The following DLG2 variants were observed in gnomAD, a reference collection of about 807,000 sequenced individuals.
DLG2 encodes discs large MAGUK scaffold protein 2, also known as disks large homolog 2.
A neutral mutation model predicts 132.5 loss-of-function variants in DLG2; 45 were observed. That is an observed-to-expected ratio of 0.34 (90% CI 0.27 to 0.44). The LOEUF is 0.44. Among genes scored for constraint, DLG2 ranks in the 20% least tolerant of loss-of-function variants. The probability of loss-of-function intolerance (pLI) is 1.00; values close to 1 mark genes in which losing one functional copy is unlikely to be tolerated. For synonymous variants in DLG2, 424 were observed against 419.6 expected (o/e 1.01, Z -0.13); for missense variants, 1,045 against 1,196.9 (o/e 0.87, Z 1.87).
chr11:84,993,888 G>A (rs2057383719), intron 6 of DLG2, among the ~76,000 whole-genome samples: 1 of 151,810 alleles, frequency 6.6e-6, no homozygotes, highest in South Asian at 2.1e-4. Context: ...TCCAAATCAG[G>A]GGTCTGCAGG....
intron 7 of DLG2, among the ~76,000 whole-genome samples, chr11:84,420,718 G>C (rs2098947105): frequency 8.0e-6 from 1 of 124,344 alleles, no homozygotes; most frequent in African/African-American, 3.1e-5. Context: ...GCCCAGGCTG[G>C]AGTGCAGTGG....
intron 7 of DLG2, among the ~76,000 whole-genome samples, chr11:84,291,047 G>A (rs2097987923): frequency 6.6e-6 from 1 of 152,110 alleles, no homozygotes; most frequent in East Asian, 1.9e-4. Context: ...TTCAATACAT[G>A]TTAGCTACTA....
chr11:84,601,639 A>G (rs1448666575), intron 6 of DLG2, among the ~76,000 whole-genome samples: 5 of 152,240 alleles, frequency 3.3e-5, no homozygotes, highest in African/African-American at 1.2e-4. Context: ...TTTAAAGAAT[A>G]TATAGTGACA....
At chr11:84,336,423 T>C (rs2098484970) in intron 7 of DLG2, among the ~76,000 whole-genome samples, 1 of 152,226 alleles carries the variant, frequency 6.6e-6, no homozygotes, top group South Asian at 2.1e-4. Flanking sequence ...TCATGTTTGC[T>C]TGTCATGCCA....
intron 18 of DLG2, among the ~76,000 whole-genome samples, chr11:83,736,304 T>C (rs925711351): frequency 2.0e-5 from 3 of 152,120 alleles, no homozygotes; most frequent in Admixed American, 1.3e-4. Context: ...AGTGTCCTCA[T>C]AGGGGAAAAG....
rs185155337 is a variant in DLG2 at position 84,889,257 on chromosome 11, T to G, written c.357+222404A>C. 7.9e-5 allele frequency among the ~76,000 whole-genome samples: 12 copies of G among 152,250 alleles called. No individual in the cohort carries two copies. The East Asian group carries it at 2.1e-3, about 27-fold the overall frequency. The stretch of plus-strand genomic sequence containing the variant: ...CAAACTCTACAGCATTATGGATTGT[T>G]AAGCGCTAGGTAATAGCAAATAGAA... On this transcript the variant is annotated intron_variant, in intron 6 of 27. Transcript: ENST00000376104.
At chr11:84,716,354 A>G (rs577811570) in intron 6 of DLG2, among the ~76,000 whole-genome samples, 5 of 152,250 alleles carry the variant, frequency 3.3e-5, no homozygotes, top group African/African-American at 9.6e-5. Context: ...TTAGAATATT[A>G]GGACAAATAA....
intron 6 of DLG2, among the ~76,000 whole-genome samples, chr11:85,056,528 GAA>G (rs1230674439): frequency 6.6e-6 from 1 of 151,908 alleles, no homozygotes; most frequent in Admixed American, 6.6e-5. Context: ...TACAAATAAC[GAA>G]GTGTGTGTCA....
intron 8 of DLG2, among the ~76,000 whole-genome samples, chr11:84,227,288 CA>C (rs2097014683): frequency 6.6e-6 from 1 of 151,658 alleles, no homozygotes; most frequent in South Asian, 2.1e-4. Flanking sequence ...AGTGCAAAAG[CA>C]TACAGGTAGA....
At chr11:84,166,790 G>A (rs2154265658) in intron 8 of DLG2, 1 of 390,962 alleles carries the variant, frequency 2.6e-6, no homozygotes, top group Middle Eastern at 9.7e-4. Context: ...ATCATCTTTT[G>A]GGTGGTTTGC....
intron 10 of DLG2, among the ~76,000 whole-genome samples, chr11:84,088,905 T>C: frequency 6.6e-6 from 1 of 152,204 alleles, no homozygotes; most frequent in East Asian, 1.9e-4. Context: ...GCTGGGCTTG[T>C]ATCCTGCTTT....
At chr11:85,136,049 A>G (rs1487014259) in intron 5 of DLG2, among the ~76,000 whole-genome samples, 1 of 152,162 alleles carries the variant, frequency 6.6e-6, no homozygotes, top group Non-Finnish European at 1.5e-5. Flanking sequence ...TTGTATTTGA[A>G]AAAGGAATGA....
chr11:83,756,710 C>A (rs1427888787), intron 18 of DLG2, among the ~76,000 whole-genome samples: 2 of 151,264 alleles, frequency 1.3e-5, no homozygotes, highest in Non-Finnish European at 2.9e-5. Flanking sequence ...GTAATCCAGC[C>A]CAGTTTTGAA....
intron 15 of DLG2, among the ~76,000 whole-genome samples, chr11:83,880,296 T>A (rs1254287634): frequency 6.6e-6 from 1 of 152,216 alleles, no homozygotes; most frequent in Admixed American, 6.5e-5. Context: ...AGGAAATCTA[T>A]AGTCAGGGAG....
At chr11:83,718,687 A>T (rs1174378772) in intron 18 of DLG2, among the ~76,000 whole-genome samples, 1 of 152,130 alleles carries the variant, frequency 6.6e-6, no homozygotes, top group Non-Finnish European at 1.5e-5. Flanking sequence ...ATAGACTGAG[A>T]GGCTGAGAGG....
intron 15 of DLG2, among the ~76,000 whole-genome samples, chr11:83,892,071 A>G (rs1439902686): frequency 1.3e-5 from 2 of 152,146 alleles, no homozygotes; most frequent in Non-Finnish European, 2.9e-5. Flanking sequence ...CCTCTGCCCT[A>G]CTATTTATAC....
intron 6 of DLG2, among the ~76,000 whole-genome samples, chr11:85,028,210 C>G (rs2060699304): frequency 6.6e-6 from 1 of 152,152 alleles, no homozygotes; most frequent in South Asian, 2.1e-4. Flanking sequence ...TTTCCCACAG[C>G]TCATCTCCAA....
intron 11 of DLG2, among the ~76,000 whole-genome samples, chr11:83,992,393 G>C (rs1008092421): frequency 2.0e-5 from 3 of 152,188 alleles, no homozygotes; most frequent in Non-Finnish European, 2.9e-5. Context: ...GCTAGAGGGG[G>C]TAGTGTCAGA....
At position 85,614,467 on chromosome 11, in the gene DLG2, C is replaced by G. The variant is rs60139868; in HGVS notation, c.-93+12120G>C. On this transcript the variant is annotated intron_variant, in intron 2 of 27. Transcript: ENST00000376104. ...ACCAGCCTGACCAACATGGAGAAAC[C>G]CCGTTTTTACTAAAAATACAAAATT... 8.0e-3 allele frequency among the ~76,000 whole-genome samples: 1,215 copies of G among 152,130 alleles called. 14 individuals carry two copies. Among genetic ancestry groups the G allele is most frequent in the African/African-American group, 0.028 (1,182 of 41,510 alleles).
Sources: gnomAD v4.1 joint callset for allele counts (sites outside exome capture counted in the v4.1 genomes callset) on GRCh38, gnomAD v4.1.1 for gene constraint, MANE v1.5 for transcripts, NCBI Gene and HGNC (gene_info 2026-07-23, HGNC 2026-07-21) for gene names.